CMC1: variants seen among roughly 807,000 people sequenced by gnomAD.
CMC1 encodes C-X9-C motif containing 1.
In CMC1, 14 loss-of-function variants were observed where a neutral mutation model predicts 14.1. That is an observed-to-expected ratio of 0.99 (90% CI 0.66 to 1.55). The LOEUF (loss-of-function observed/expected upper bound fraction) is 1.55, where lower values mean the gene tolerates loss of function less well. CMC1 is among the 40% of genes most tolerant of loss of function. The pLI, the probability that CMC1 is intolerant of heterozygous loss-of-function variation, is 0.00. For synonymous variants in CMC1, 50 were observed against 38.4 expected (o/e 1.30, Z -1.12); for missense variants, 127 against 123.8 (o/e 1.03, Z -0.12).
intron 2 of CMC1, among the ~76,000 whole-genome samples, chr3:28,274,206 GTTTTTGTTTTTTTCT>G (rs796230724): frequency 9.6e-5 from 8 of 83,080 alleles, no homozygotes; most frequent in African/African-American, 3.0e-4. Context: ...GTACTAAAGT[GTTTTTGTTTTTTTCT>G]TTTTTTTTTT....
intron 1 of CMC1, among the ~76,000 whole-genome samples, chr3:28,242,358 C>T (rs757478878): frequency 2.6e-5 from 4 of 152,216 alleles, no homozygotes; most frequent in Non-Finnish European, 4.4e-5. Flanking sequence ...CAATAGTTAA[C>T]TTACCCTCGA....
chr3:28,259,024 T>TAAA, intron 1 of CMC1, among the ~76,000 whole-genome samples: 1 of 152,298 alleles, frequency 6.6e-6, no homozygotes, highest in East Asian at 1.9e-4. Flanking sequence ...TAGTATGACT[T>TAAA]GTAATCGGGT....
intron 2 of CMC1, among the ~76,000 whole-genome samples, chr3:28,282,670 T>C (rs1700960229): frequency 6.6e-6 from 1 of 152,192 alleles, no homozygotes; most frequent in South Asian, 2.1e-4. Context: ...GCTGCTTTTT[T>C]CCTTCTAATC....
chr3:28,265,504 T>C (rs1430680649), intron 2 of CMC1, among the ~76,000 whole-genome samples: 1 of 152,178 alleles, frequency 6.6e-6, no homozygotes, highest in African/African-American at 2.4e-5. Flanking sequence ...ATAAAAGCAT[T>C]ATATATGCCA....
At chr3:28,258,986 C>T (rs1699585118) in intron 1 of CMC1, among the ~76,000 whole-genome samples, 1 of 152,100 alleles carries the variant, frequency 6.6e-6, no homozygotes, top group African/African-American at 2.4e-5. Flanking sequence ...TATGCCAGCA[C>T]TACGTCGTCT....
intron 2 of CMC1, among the ~76,000 whole-genome samples, chr3:28,305,823 TACGTTTA>T (rs2125587474): frequency 7.4e-6 from 1 of 134,338 alleles, no homozygotes; most frequent in African/African-American, 2.7e-5. Context: ...TTTGAGGTCT[TACGTTTA>T]AGTCTTTCAG....
chr3:28,279,452 G>A (rs1429789326), intron 2 of CMC1, among the ~76,000 whole-genome samples: 1 of 152,114 alleles, frequency 6.6e-6, no homozygotes, highest in Non-Finnish European at 1.5e-5. Context: ...ACAGAAACAA[G>A]AAGACATGAA....
In CMC1 at chr3:28,319,635, T is replaced by C. The variant is rs749850252; in HGVS notation, c.*6T>C. On this transcript the variant is annotated 3_prime_UTR_variant, in exon 4 of 4. Transcript: ENST00000466830. ...AGCTTCCAACAAGCATGTAGGCAGA[T>C]ACTCAAATGACATTCAGGAACTCTA... 6.3e-7 allele frequency: 1 copy of C among 1,592,022 alleles called. No individual in the cohort carries two copies.
chr3:28,319,530 T>C lies in CMC1; in HGVS notation c.222T>C (p.Tyr74=), dbSNP rs777510014. ...LTAYYNDPAF[Y]EECKMEYLKE... is the part of the protein sequence containing the mutation. The stretch of plus-strand genomic sequence containing the variant: ...ATAGCTATAATGATCCAGCCTTTTA[T>C]GAAGAATGCAAAATGGAATACCTGA... The change falls in exon 4 of 4, where the codon TAT becomes TAC. Residue 74 remains tyrosine (Y), a synonymous_variant. Transcript: ENST00000466830. The C allele has an allele frequency of 6.2e-6, 10 of 1,603,102 alleles. No individual in the cohort carries two copies. Among genetic ancestry groups the C allele is most frequent in the South Asian group, 1.1e-5 (1 of 89,820 alleles).
At chr3:28,309,668 C>CT (rs1702518665) in intron 2 of CMC1, among the ~76,000 whole-genome samples, 1 of 152,092 alleles carries the variant, frequency 6.6e-6, no homozygotes, top group African/African-American at 2.4e-5. Context: ...TCTGCCTACT[C>CT]TAAGGTTCTG....
At chr3:28,284,455 G>T (rs1701064841) in intron 2 of CMC1, among the ~76,000 whole-genome samples, 1 of 152,012 alleles carries the variant, frequency 6.6e-6, no homozygotes. Context: ...GAATTATCTA[G>T]GAATTAAAAC....
chr3:28,250,447 C>T (rs1169716142), intron 1 of CMC1, among the ~76,000 whole-genome samples: 3 of 152,048 alleles, frequency 2.0e-5, no homozygotes, highest in Admixed American at 1.3e-4. Flanking sequence ...TGTTACTTGC[C>T]GGGTAATGCT....
chr3:28,314,202 C>G (rs749385265), intron 2 of CMC1, among the ~76,000 whole-genome samples: 10 of 152,158 alleles, frequency 6.6e-5, no homozygotes, highest in Non-Finnish European at 1.2e-4. Flanking sequence ...AAAGGTAGAT[C>G]TTAACATCAT....
intron 2 of CMC1, among the ~76,000 whole-genome samples, chr3:28,281,575 A>G (rs1700894384): frequency 6.6e-6 from 1 of 152,208 alleles, no homozygotes; most frequent in Non-Finnish European, 1.5e-5. Flanking sequence ...ATACTGTGAG[A>G]AGTGCTGTAG....
intron 2 of CMC1, among the ~76,000 whole-genome samples, chr3:28,277,962 T>C (rs1700664260): frequency 7.6e-6 from 1 of 131,534 alleles, no homozygotes; most frequent in South Asian, 2.9e-4. Flanking sequence ...AGAGACAGGG[T>C]CTGATTTATA....
At chr3:28,298,772 T>C (rs1324569499) in intron 2 of CMC1, among the ~76,000 whole-genome samples, 4 of 152,114 alleles carry the variant, frequency 2.6e-5, no homozygotes, top group African/African-American at 7.2e-5. Context: ...TGCAAATATG[T>C]AAGCATTTTA....
intron 1 of CMC1, among the ~76,000 whole-genome samples, chr3:28,260,665 T>C (rs1188120120): frequency 3.4e-5 from 5 of 148,640 alleles, no homozygotes; most frequent in Admixed American, 1.3e-4. Context: ...TTTTTCTGGT[T>C]TCTCAAGGTA....
intron 1 of CMC1, among the ~76,000 whole-genome samples, chr3:28,250,090 C>T (rs1357934885): frequency 1.3e-5 from 2 of 152,184 alleles, no homozygotes; most frequent in Non-Finnish European, 2.9e-5. Flanking sequence ...CCCAAAAGCA[C>T]TGTCTCCACA....
chr3:28,281,829 G>A (rs1700910146), intron 2 of CMC1, among the ~76,000 whole-genome samples: 1 of 152,114 alleles, frequency 6.6e-6, no homozygotes, highest in Non-Finnish European at 1.5e-5. Flanking sequence ...TAGGGAAACT[G>A]GAAAAACATT....
Sources: allele counts gnomAD v4.1 joint callset (sites outside exome capture counted in the v4.1 genomes callset), GRCh38; gene constraint gnomAD v4.1.1; transcripts MANE v1.5; gene names NCBI Gene and HGNC (gene_info 2026-07-23, HGNC 2026-07-21).